The following CD96 variants were observed in gnomAD, a reference collection of about 807,000 sequenced individuals.
CD96 encodes CD96 molecule.
In CD96, 70 loss-of-function variants were observed where a neutral mutation model predicts 71.3. The ratio of observed to expected loss-of-function variants is 0.98; its 90% CI spans 0.81 to 1.20. The LOEUF is 1.20. CD96 is among the 50% of genes most tolerant of loss of function. The probability of loss-of-function intolerance (pLI) is 0.00; values close to 1 mark genes in which losing one functional copy is unlikely to be tolerated. For missense variants in CD96, 742 were observed against 677.5 expected, an observed-to-expected ratio of 1.10 and a Z score of -1.06; for synonymous variants, 248 against 233.0, an observed-to-expected ratio of 1.06 and a Z score of -0.59.
rs1291978102 is a variant in CD96, at chr3:111,606,733, G to T, written c.1121G>T (p.Ser374Ile). ...SEISSTDPPLSVTESTLDTQP... is the reference protein window; with the variant it reads ...SEISSTDPPLIVTESTLDTQP... ...ATTTCCTCAACAGACCCTCCACTGA[G>T]TGTTACAGAATCTACCCTTGACACC... Residue 374 changes from serine (S) to isoleucine (I), a missense_variant, in exon 8 of 14, where the codon AGT becomes ATT. Ser to Ile is a moderately radical substitution (Grantham distance 142, BLOSUM62 -2). Transcript: ENST00000352690. 1 of 1,605,202 alleles carries T rather than the reference G, an allele frequency of 6.2e-7. No individual in the cohort carries two copies. The highest frequency in any genetic ancestry group is 8.5e-7 in the Non-Finnish European group (1 of 1,171,974).
intron 2 of CD96, among the ~76,000 whole-genome samples, chr3:111,556,744 G>A (rs1055009073): frequency 4.0e-5 from 6 of 150,860 alleles, no homozygotes; most frequent in Non-Finnish European, 8.9e-5. Context: ...TGGCTCAAAT[G>A]GTATTTCTAG....
At chr3:111,575,460 TA>T (rs769331223) in intron 3 of CD96, among the ~76,000 whole-genome samples, 8 of 152,226 alleles carry the variant, frequency 5.3e-5, no homozygotes, top group Non-Finnish European at 8.8e-5. Flanking sequence ...TTATATTGTT[TA>T]AGGAACAGTA....
intron 5 of CD96, among the ~76,000 whole-genome samples, chr3:111,596,938 T>C (rs1389930278): frequency 6.6e-6 from 1 of 152,202 alleles, no homozygotes; most frequent in Non-Finnish European, 1.5e-5. Flanking sequence ...TTCTCTTGTT[T>C]CATTGGGATT....
intron 2 of CD96, among the ~76,000 whole-genome samples, chr3:111,564,468 TA>T (rs11311223): frequency 0.12 from 17,903 of 152,082 alleles, 1,150 homozygotes; most frequent in Non-Finnish European, 0.13. Flanking sequence ...GAGTGATTTT[TA>T]AAAATTTATT....
At chr3:111,580,624 T>G (rs1936422868) in intron 4 of CD96, among the ~76,000 whole-genome samples, 1 of 152,198 alleles carries the variant, frequency 6.6e-6, no homozygotes. Context: ...CAATTTAGTA[T>G]TTTGAAGAAA....
rs1288911203 is a variant in CD96, at chr3:111,627,392, A to G, written c.1321+2988A>G. Among the ~76,000 whole-genome samples, 42 of 152,200 alleles carry G rather than the reference A, an allele frequency of 2.8e-4. 1 individual carries two copies. The highest frequency in any genetic ancestry group is 2.7e-3 in the Admixed American group (42 of 15,288). The stretch of plus-strand genomic sequence containing the variant: ...AGCACAGCTGTTTTGTTAAGGAATG[A>G]CCAGACTGCTTCTTTAAACAGACCC... On this transcript the variant is annotated intron_variant, in intron 10 of 13. Transcript: ENST00000352690.
chr3:111,573,821 T>C (rs1326664218), intron 3 of CD96, among the ~76,000 whole-genome samples: 2 of 152,224 alleles, frequency 1.3e-5, no homozygotes, highest in Non-Finnish European at 2.9e-5. Context: ...ATGTTTGTTA[T>C]GCTTATGGAT....
chr3:111,593,888 A>T, intron 5 of CD96: 1 of 1,613,676 alleles, frequency 6.2e-7, no homozygotes, highest in Non-Finnish European at 8.5e-7. Flanking sequence ...CTCTCTGTGC[A>T]TGCTTTTCAG....
chr3:111,580,910 C>T (rs1936435565), intron 4 of CD96, among the ~76,000 whole-genome samples: 2 of 152,204 alleles, frequency 1.3e-5, no homozygotes, highest in African/African-American at 4.8e-5. Context: ...ATGAAGGCAG[C>T]CATCCTCAAT....
intron 6 of CD96, 83 bp downstream of exon 6, chr3:111,598,293 GA>G: frequency 1.3e-6 from 1 of 757,296 alleles, no homozygotes; most frequent in East Asian, 2.5e-5. Flanking sequence ...TGCCCAAGTT[GA>G]TCTTGGCATT....
chr3:111,580,563 A>G (rs778610660), intron 4 of CD96, among the ~76,000 whole-genome samples: 1 of 152,222 alleles, frequency 6.6e-6, no homozygotes, highest in Non-Finnish European at 1.5e-5. Flanking sequence ...AGGGCAGAGC[A>G]AGCAAAAAAA....
At chr3:111,585,744 A>G (rs1936684002) in intron 5 of CD96, among the ~76,000 whole-genome samples, 1 of 152,124 alleles carries the variant, frequency 6.6e-6, no homozygotes, top group African/African-American at 2.4e-5. Flanking sequence ...CTGACGTTTA[A>G]TTTGTTCTAA....
intron 14 of CD96, among the ~76,000 whole-genome samples, chr3:111,657,786 A>G (rs941280992): frequency 3.3e-5 from 5 of 151,460 alleles, no homozygotes; most frequent in South Asian, 2.1e-4. Flanking sequence ...GTGTGTGTAT[A>G]TGTGTGTGTG....
Position 111,650,223 on chromosome 3 carries a change from C to T in CD96, c.*417C>T. ...TTGCCAAAATCCTGGGGCTTTGCTG[C>T]ATTCCCTAAGATAATTACAGGAAAA... On this transcript the variant is annotated 3_prime_UTR_variant, in exon 14 of 14. Coordinates refer to ENST00000352690, the MANE Select transcript of CD96 (RefSeq NM_005816.5). 1 of 202,118 alleles carries T rather than the reference C, an allele frequency of 4.9e-6. No individual in the cohort carries two copies. The highest frequency in any genetic ancestry group is 1.0e-5 in the Non-Finnish European group (1 of 95,890). 12.5% of individuals were successfully genotyped at this position (202,118 alleles called of 1,614,324 possible). A position where few individuals can be genotyped will look rare whatever the true frequency, so the allele number is the denominator to read the frequency against.
chr3:111,563,439 G>A (rs1405979487), intron 2 of CD96, among the ~76,000 whole-genome samples: 1 of 152,242 alleles, frequency 6.6e-6, no homozygotes, highest in East Asian at 1.9e-4. Context: ...ATTTCTTAAT[G>A]ACCAGGTTGG....
chr3:111,608,059 G>A (rs1420390899), intron 8 of CD96, among the ~76,000 whole-genome samples: 1 of 152,180 alleles, frequency 6.6e-6, no homozygotes, highest in African/African-American at 2.4e-5. Flanking sequence ...GAGCAGCCTA[G>A]CTGGAAGGTG....
At chr3:111,619,570 A>G (rs1316134034) in intron 8 of CD96, among the ~76,000 whole-genome samples, 2 of 152,250 alleles carry the variant, frequency 1.3e-5, no homozygotes, top group East Asian at 1.9e-4. Context: ...CCTACATAGT[A>G]TCTCATGATT....
chr3:111,607,007 A>G, intron 8 of CD96: 1 of 600,068 alleles, frequency 1.7e-6, no homozygotes, highest in Non-Finnish European at 3.0e-6. Flanking sequence ...TAGTATGTTC[A>G]CAGACTTGTA....
intron 9 of CD96, among the ~76,000 whole-genome samples, 162 bp from the exon 10 acceptor site, chr3:111,624,171 A>T (rs1938635241): frequency 6.6e-6 from 1 of 152,204 alleles, no homozygotes; most frequent in East Asian, 1.9e-4. Context: ...TAAACTACAG[A>T]GCTTTTGCTT....
Sources: allele counts gnomAD v4.1 joint callset (sites outside exome capture counted in the v4.1 genomes callset), GRCh38; gene constraint gnomAD v4.1.1; transcripts MANE v1.5; gene names NCBI Gene and HGNC (gene_info 2026-07-23, HGNC 2026-07-21).